ASTN2: variants seen among roughly 807,000 people sequenced by gnomAD.
The protein encoded by ASTN2 is astrotactin 2.
A neutral mutation model predicts 139.8 loss-of-function variants in ASTN2; 54 were observed. The ratio of observed to expected loss-of-function variants is 0.39; its 90% confidence interval spans 0.31 to 0.48. ASTN2 has a LOEUF of 0.48. Ranked by LOEUF, ASTN2 falls within the 20% of genes least tolerant of loss-of-function variation. The pLI is 0.95. For synonymous variants in ASTN2, 756 were observed against 719.5 expected (o/e 1.05, Z -0.81); for missense variants, 1,565 against 1,725.1 (o/e 0.91, Z 1.64).
chr9:117,113,936 T>C (rs1027221530), intron 4 of ASTN2, among the ~76,000 whole-genome samples: 5 of 152,204 alleles, frequency 3.3e-5, no homozygotes, highest in African/African-American at 1.2e-4. Flanking sequence ...GGTGTATACA[T>C]CTTTCAAAAC....
At chr9:117,005,455 G>A (rs917197995) in intron 7 of ASTN2, among the ~76,000 whole-genome samples, 1 of 152,076 alleles carries the variant, frequency 6.6e-6, no homozygotes, top group African/African-American at 2.4e-5. Context: ...AGTCATCCTT[G>A]ACAAAATTTA....
chr9:117,042,814 C>A (rs116698566), intron 5 of ASTN2, among the ~76,000 whole-genome samples: 2,697 of 152,176 alleles, frequency 0.018, 76 homozygotes, highest in African/African-American at 0.062. Context: ...TAGCAAAACC[C>A]CTACAATAAC....
chr9:116,836,783 T>C (rs1327957839), intron 11 of ASTN2, among the ~76,000 whole-genome samples: 1 of 152,044 alleles, frequency 6.6e-6, no homozygotes, highest in African/African-American at 2.4e-5. Context: ...TTGTTTTATA[T>C]AGGACATCCA....
intron 19 of ASTN2, among the ~76,000 whole-genome samples, chr9:116,593,156 G>A (rs1854440084): frequency 6.6e-6 from 1 of 152,228 alleles, no homozygotes; most frequent in Non-Finnish European, 1.5e-5. Context: ...AAGATTCCAA[G>A]GAGGTCATTT....
chr9:117,157,478 C>G (rs1020079968), intron 3 of ASTN2, among the ~76,000 whole-genome samples: 4 of 151,934 alleles, frequency 2.6e-5, no homozygotes, highest in African/African-American at 9.7e-5. Context: ...CTTCAATTAA[C>G]TTATATGACT....
chr9:116,753,305 G>A (rs185239828), intron 13 of ASTN2, among the ~76,000 whole-genome samples: 1 of 152,316 alleles, frequency 6.6e-6, no homozygotes, highest in East Asian at 1.9e-4. Flanking sequence ...AAAAGGCAAA[G>A]CTATAGAGAC....
intron 6 of ASTN2, among the ~76,000 whole-genome samples, chr9:117,035,482 AC>A (rs2132641168): frequency 6.6e-6 from 1 of 152,246 alleles, no homozygotes; most frequent in South Asian, 2.1e-4. Context: ...CCTATGTAAT[AC>A]CCTCATATCT....
chr9:117,321,496 T>C (rs370848146), intron 1 of ASTN2, among the ~76,000 whole-genome samples: 28 of 152,258 alleles, frequency 1.8e-4, no homozygotes, highest in African/African-American at 6.5e-4. Flanking sequence ...CATGAATAAA[T>C]TCAGGCTAAG....
At chr9:116,914,547 T>TTCATTA (rs1834392162) in intron 10 of ASTN2, among the ~76,000 whole-genome samples, 2 of 146,896 alleles carry the variant, frequency 1.4e-5, no homozygotes, top group African/African-American at 5.0e-5. Flanking sequence ...TGTAAAGTGT[T>TTCATTA]TTATTATTAT....
intron 1 of ASTN2, among the ~76,000 whole-genome samples, chr9:117,363,937 C>T (rs1469186132): frequency 6.6e-6 from 1 of 152,200 alleles, no homozygotes; most frequent in African/African-American, 2.4e-5. Flanking sequence ...TCCTCATCCG[C>T]AAGCGTGGGC....
At chr9:117,108,776 T>C (rs180955229) in intron 4 of ASTN2, among the ~76,000 whole-genome samples, 69 of 152,272 alleles carry the variant, frequency 4.5e-4, no homozygotes, top group African/African-American at 1.3e-3. Flanking sequence ...CTGGTATCTG[T>C]GGTATATCCC....
At chr9:116,780,715 T>A (rs6478250) in intron 13 of ASTN2, among the ~76,000 whole-genome samples, 1 of 152,066 alleles carries the variant, frequency 6.6e-6, no homozygotes, top group African/African-American at 2.4e-5. Flanking sequence ...CATTTCCATT[T>A]CCCCCTACAC....
chr9:117,343,636 A>G (rs886353641), intron 1 of ASTN2, among the ~76,000 whole-genome samples: 38 of 152,174 alleles, frequency 2.5e-4, no homozygotes, highest in African/African-American at 8.7e-4. Context: ...TGAGAGTTGG[A>G]GAGACTGAGT....
intron 3 of ASTN2, among the ~76,000 whole-genome samples, chr9:117,181,651 T>C (rs965755403): frequency 6.6e-6 from 1 of 152,188 alleles, no homozygotes; most frequent in Non-Finnish European, 1.5e-5. Flanking sequence ...TCCTGGTGCT[T>C]AAAGCAGGTC....
intron 19 of ASTN2, among the ~76,000 whole-genome samples, chr9:116,586,531 T>C (rs1297717552): frequency 1.3e-5 from 2 of 152,132 alleles, no homozygotes; most frequent in African/African-American, 4.8e-5. Flanking sequence ...CTAAGCAAAT[T>C]AATGCAGGAA....
intron 4 of ASTN2, among the ~76,000 whole-genome samples, chr9:117,104,213 C>G (rs1829049174): frequency 6.6e-6 from 1 of 152,056 alleles, no homozygotes; most frequent in African/African-American, 2.4e-5. Context: ...TATAGCTAAA[C>G]CTGATTGTTT....
intron 11 of ASTN2, among the ~76,000 whole-genome samples, chr9:116,859,530 C>A (rs1446168966): frequency 6.6e-6 from 1 of 152,174 alleles, no homozygotes; most frequent in Non-Finnish European, 1.5e-5. Context: ...ATAGAAGCAT[C>A]TGTGATCTGT....
intron 19 of ASTN2, chr9:116,552,114 TCA>T (rs1308572040): frequency 1.3e-5 from 2 of 152,174 alleles, no homozygotes; most frequent in East Asian, 3.8e-4. Context: ...TTCTAGTAGC[TCA>T]CAGAGACCAA....
At chr9:117,350,028 A>C (rs899893809) in intron 1 of ASTN2, among the ~76,000 whole-genome samples, 1 of 152,222 alleles carries the variant, frequency 6.6e-6, no homozygotes, top group African/African-American at 2.4e-5. Flanking sequence ...TAACAGCAAC[A>C]TACAAATGTT....
Sources: gnomAD v4.1 joint callset for allele counts (sites outside exome capture counted in the v4.1 genomes callset) on GRCh38, gnomAD v4.1.1 for gene constraint, MANE v1.5 for transcripts, NCBI Gene and HGNC (gene_info 2026-07-23, HGNC 2026-07-21) for gene names.